The following CNTNAP2 variants were observed in gnomAD, a reference collection of about 807,000 sequenced individuals.
CNTNAP2 encodes contactin associated protein 2, also known as contactin-associated protein-like 2.
CNTNAP2 carries 98 observed loss-of-function variants against 155.2 expected under a neutral mutation model. The observed-to-expected ratio is 0.63, with a 90% CI of 0.54 to 0.75. The LOEUF is 0.75. Ranked by LOEUF, CNTNAP2 falls within the 30% of genes least tolerant of loss-of-function variation. CNTNAP2 has a pLI of 0.00. For missense variants in CNTNAP2, 1,727 were observed against 1,688.1 expected, an observed-to-expected ratio of 1.02 and a Z score of -0.40; for synonymous variants, 651 against 631.2, an observed-to-expected ratio of 1.03 and a Z score of -0.47.
At chr7:147,707,222 T>C (rs1282420789) in intron 13 of CNTNAP2, among the ~76,000 whole-genome samples, 2 of 152,216 alleles carry the variant, frequency 1.3e-5, no homozygotes, top group East Asian at 3.8e-4. Context: ...TTGACATCTA[T>C]GTATCTGGTG....
rs111796635 is a variant in CNTNAP2, at chr7:148,365,604, G to T, written c.3476-18045G>T. ...CACTTGAACCTGGGAGGCAGAGGTTGCAGTGAACCAAGATCGCACCATTGT... is the reference window on the plus strand; with the variant it reads ...CACTTGAACCTGGGAGGCAGAGGTTTCAGTGAACCAAGATCGCACCATTGT... On this transcript the variant is annotated intron_variant, in intron 21 of 23. Transcript: ENST00000361727. Among the ~76,000 whole-genome samples the T allele has an allele frequency of 1.4e-4, 21 of 152,212 alleles. 1 individual carries two copies. Among genetic ancestry groups the T allele is most frequent in the African/African-American group, 5.1e-4 (21 of 41,504 alleles).
chr7:146,190,254 A>G (rs1366900585), intron 1 of CNTNAP2, among the ~76,000 whole-genome samples: 2 of 152,142 alleles, frequency 1.3e-5, no homozygotes, highest in African/African-American at 4.8e-5. Flanking sequence ...AACCAAGGAG[A>G]TAAGCAGTGA....
intron 9 of CNTNAP2, among the ~76,000 whole-genome samples, chr7:147,360,177 T>A (rs1168808763): frequency 6.6e-6 from 1 of 152,210 alleles, no homozygotes; most frequent in Admixed American, 6.5e-5. Flanking sequence ...TTTGTTTATA[T>A]ATGTCCCTAT....
intron 1 of CNTNAP2, among the ~76,000 whole-genome samples, chr7:146,475,988 G>A (rs913033121): frequency 6.6e-6 from 1 of 152,096 alleles, no homozygotes; most frequent in Non-Finnish European, 1.5e-5. Context: ...GGTGACCCAC[G>A]TGAAATATCA....
intron 9 of CNTNAP2, among the ~76,000 whole-genome samples, chr7:147,304,519 T>C (rs1794993784): frequency 6.6e-6 from 1 of 152,132 alleles, no homozygotes; most frequent in Non-Finnish European, 1.5e-5. Context: ...TTTGTTATCA[T>C]TAAAAGAAAA....
intron 10 of CNTNAP2, among the ~76,000 whole-genome samples, chr7:147,400,689 T>C (rs1796897669): frequency 6.6e-6 from 1 of 152,172 alleles, no homozygotes; most frequent in African/African-American, 2.4e-5. Context: ...AAGCAGAAGT[T>C]AGCTGTGGTG....
chr7:147,362,903 A>G (rs1796168921), intron 9 of CNTNAP2, among the ~76,000 whole-genome samples: 1 of 152,206 alleles, frequency 6.6e-6, no homozygotes, highest in Non-Finnish European at 1.5e-5. Context: ...AATTAAAAAA[A>G]TCAAGAGTCA....
At chr7:147,876,496 G>A (rs1393809446) in intron 13 of CNTNAP2, among the ~76,000 whole-genome samples, 2 of 152,284 alleles carry the variant, frequency 1.3e-5, no homozygotes, top group African/African-American at 2.4e-5. Flanking sequence ...ATTGTAGAAC[G>A]AGAAAAGGAC....
chr7:146,275,547 C>A (rs1800150371), intron 1 of CNTNAP2, among the ~76,000 whole-genome samples: 1 of 152,122 alleles, frequency 6.6e-6, no homozygotes, highest in Non-Finnish European at 1.5e-5. Context: ...ATTTCCAAAG[C>A]TGAAGATCAA....
chr7:147,996,801 T>C (rs1172428112), intron 15 of CNTNAP2, among the ~76,000 whole-genome samples: 5 of 152,196 alleles, frequency 3.3e-5, no homozygotes, highest in Admixed American at 1.3e-4. Context: ...TAAATTACAA[T>C]CTGAAGTGAA....
intron 21 of CNTNAP2, among the ~76,000 whole-genome samples, chr7:148,294,771 C>A (rs747046293): frequency 6.6e-6 from 1 of 152,032 alleles, no homozygotes; most frequent in Non-Finnish European, 1.5e-5. Context: ...CTTTTCCTTA[C>A]GAACACTAAT....
intron 16 of CNTNAP2, among the ~76,000 whole-genome samples, chr7:148,132,595 G>A (rs953708138): frequency 6.6e-6 from 1 of 152,174 alleles, no homozygotes; most frequent in African/African-American, 2.4e-5. Flanking sequence ...TGAGATCTGG[G>A]TCCTGGCTTC....
intron 5 of CNTNAP2, among the ~76,000 whole-genome samples, chr7:147,116,379 C>T (rs555559261): frequency 5.4e-4 from 82 of 152,260 alleles, no homozygotes; most frequent in Admixed American, 9.2e-4. Flanking sequence ...TTTCTTCAGC[C>T]CCTAATCGGT....
At chr7:147,483,501 A>T (rs540795843) in intron 10 of CNTNAP2, among the ~76,000 whole-genome samples, 9 of 151,800 alleles carry the variant, frequency 5.9e-5, no homozygotes, top group Non-Finnish European at 1.5e-5. Context: ...ATGATTTTCT[A>T]CTCTGCCCAT....
At chr7:146,519,720 A>C (rs1797590735) in intron 1 of CNTNAP2, among the ~76,000 whole-genome samples, 1 of 151,908 alleles carries the variant, frequency 6.6e-6, no homozygotes. Context: ...ACAGACACGC[A>C]GGGGAGGATA....
chr7:146,466,624 G>T (rs1260879103), intron 1 of CNTNAP2, among the ~76,000 whole-genome samples: 1 of 152,106 alleles, frequency 6.6e-6, no homozygotes, highest in Non-Finnish European at 1.5e-5. Context: ...GATTCCAGTA[G>T]AAAATGCTGA....
At chr7:147,832,682 A>G (rs1439528986) in intron 13 of CNTNAP2, among the ~76,000 whole-genome samples, 1 of 146,698 alleles carries the variant, frequency 6.8e-6, no homozygotes, top group Non-Finnish European at 1.5e-5. Flanking sequence ...ATTATATTTC[A>G]TATTATATTT....
chr7:146,561,369 A>G (rs1798276926), intron 1 of CNTNAP2, among the ~76,000 whole-genome samples: 2 of 152,146 alleles, frequency 1.3e-5, no homozygotes, highest in South Asian at 2.1e-4. Context: ...ACAAATTACA[A>G]TAAGGTCGGG....
At chr7:146,627,726 T>C (rs895186404) in intron 1 of CNTNAP2, among the ~76,000 whole-genome samples, 1 of 152,162 alleles carries the variant, frequency 6.6e-6, no homozygotes, top group Non-Finnish European at 1.5e-5. Context: ...ATTACAGTTA[T>C]AATATTCTGT....
Sources: gnomAD v4.1 joint callset for allele counts (sites outside exome capture counted in the v4.1 genomes callset) on GRCh38, gnomAD v4.1.1 for gene constraint, MANE v1.5 for transcripts, NCBI Gene and HGNC (gene_info 2026-07-23, HGNC 2026-07-21) for gene names.